Variants in ROBO1 observed in about 807,000 individuals in gnomAD.
ROBO1 encodes the protein roundabout guidance receptor 1, also known as roundabout homolog 1.
Under a neutral mutation model 195.9 loss-of-function variants are expected in ROBO1, and 149 were observed. That is an observed-to-expected ratio of 0.76 (90% CI 0.67 to 0.87). The LOEUF is 0.87. Among genes scored for constraint, ROBO1 ranks in the 40% least tolerant of loss-of-function variants. The probability of loss-of-function intolerance (pLI) is 0.00; values close to 1 mark genes in which losing one functional copy is unlikely to be tolerated. For missense variants in ROBO1, 1,933 were observed against 2,068.3 expected (o/e 0.93, Z 1.27); for synonymous variants, 816 against 733.2 (o/e 1.11, Z -1.82).
intron 2 of ROBO1, among the ~76,000 whole-genome samples, chr3:79,252,304 G>C (rs2082746048): frequency 6.6e-6 from 1 of 152,106 alleles, no homozygotes; most frequent in Non-Finnish European, 1.5e-5. Context: ...ATTAAGTTAA[G>C]ATGAGATCAC....
intron 4 of ROBO1, among the ~76,000 whole-genome samples, chr3:78,937,420 T>C (rs891198629): frequency 3.3e-5 from 5 of 151,974 alleles, no homozygotes; most frequent in African/African-American, 1.2e-4. Flanking sequence ...AATATATACA[T>C]GGTTATTTAT....
chr3:79,285,898 C>G (rs2031856484), intron 2 of ROBO1, among the ~76,000 whole-genome samples: 2 of 151,004 alleles, frequency 1.3e-5, no homozygotes, highest in South Asian at 4.2e-4. Flanking sequence ...AAATAAGAAG[C>G]AATGAAAAAA....
chr3:78,646,760 T>C (rs973791484), intron 20 of ROBO1, among the ~76,000 whole-genome samples: 1 of 151,970 alleles, frequency 6.6e-6, no homozygotes, highest in African/African-American at 2.4e-5. Flanking sequence ...CTTCTGCAAA[T>C]TATTTCTCAT....
At position 79,009,810 on chromosome 3, in the gene ROBO1, T is replaced by G. The variant is rs139173631; in HGVS notation, c.173-70883A>C. Among the ~76,000 whole-genome samples, 401 of 152,334 alleles carry G rather than the reference T, an allele frequency of 2.6e-3. 4 individuals are homozygous for G. The highest frequency in any genetic ancestry group is 9.0e-3 in the African/African-American group (375 of 41,578). Reference sequence around the variant, plus strand: ...ATTATCAATAACATCTTATCACCATTTATTATCAAAATCAAAAAATGAAAA... The same window carrying G: ...ATTATCAATAACATCTTATCACCATGTATTATCAAAATCAAAAAATGAAAA... On this transcript the variant is annotated intron_variant, in intron 3 of 30. Transcript: ENST00000464233.
chr3:78,859,295 T>C (rs2034643283), intron 4 of ROBO1, among the ~76,000 whole-genome samples: 1 of 152,202 alleles, frequency 6.6e-6, no homozygotes, highest in African/African-American at 2.4e-5. Context: ...GTATCCCTTA[T>C]TCATGGAACT....
At chr3:78,922,888 G>A (rs149819826) in intron 4 of ROBO1, among the ~76,000 whole-genome samples, 3,106 of 152,116 alleles carry the variant, frequency 0.02, 77 homozygotes, top group Middle Eastern at 0.13. Flanking sequence ...GTGAGCTATC[G>A]CATCTGGACT....
At chr3:78,675,047 G>A (rs938312084) in intron 10 of ROBO1, among the ~76,000 whole-genome samples, 5 of 151,830 alleles carry the variant, frequency 3.3e-5, no homozygotes, top group Admixed American at 2.0e-4. Context: ...TGTATAATAC[G>A]TATCATATAC....
intron 2 of ROBO1, among the ~76,000 whole-genome samples, chr3:79,258,298 C>T (rs996128367): frequency 2.6e-5 from 4 of 152,080 alleles, no homozygotes; most frequent in Non-Finnish European, 5.9e-5. Context: ...AAATAGTGTA[C>T]ACATGTGAAA....
Position 79,258,436 on chromosome 3 carries a change from T to C in ROBO1, c.89-132897A>G, listed in dbSNP as rs1175615016. 2.0e-5 allele frequency among the ~76,000 whole-genome samples: 3 copies of C among 152,324 alleles called. No homozygotes were observed. The East Asian group carries it at 5.8e-4, about 29-fold the overall frequency. ...CCTCTCCTTTTAAAAACTTAAAACT[T>C]TATTTTGTGTTCTGCTTTTTCCTTC... On this transcript the variant is annotated intron_variant, in intron 2 of 30. Coordinates refer to ENST00000464233, the MANE Select transcript of ROBO1 (RefSeq NM_002941.4).
chr3:79,335,726 G>A (rs778257853), intron 2 of ROBO1, among the ~76,000 whole-genome samples: 16 of 152,146 alleles, frequency 1.1e-4, no homozygotes, highest in Admixed American at 2.0e-4. Context: ...GTGGGGTGCT[G>A]CTATAAAGAT....
intron 4 of ROBO1, among the ~76,000 whole-genome samples, chr3:78,933,620 C>T (rs1358857137): frequency 1.3e-5 from 2 of 151,896 alleles, no homozygotes; most frequent in African/African-American, 4.8e-5. Context: ...GATAAAATAA[C>T]TACTAATAAA....
chr3:79,059,014 T>C (rs867545020), intron 3 of ROBO1, among the ~76,000 whole-genome samples: 7 of 152,068 alleles, frequency 4.6e-5, no homozygotes, highest in Non-Finnish European at 1.0e-4. Flanking sequence ...CAACAAGGCA[T>C]TGATCAAAAA....
intron 3 of ROBO1, among the ~76,000 whole-genome samples, chr3:79,051,379 G>C (rs112079198): frequency 0.027 from 4,118 of 152,230 alleles, 198 homozygotes; most frequent in African/African-American, 0.094. Flanking sequence ...TCTCTGAATA[G>C]ACAAATAACA....
intron 1 of ROBO1, among the ~76,000 whole-genome samples, chr3:79,696,157 A>G (rs1256458910): frequency 1.3e-5 from 2 of 151,430 alleles, no homozygotes; most frequent in African/African-American, 4.8e-5. Context: ...TTTCAATTGT[A>G]TATTTTTGTA....
At chr3:78,938,473 C>T (rs1262808363) in intron 4 of ROBO1, 128 bp downstream of exon 4, 4 of 716,200 alleles carry the variant, frequency 5.6e-6, no homozygotes, top group Middle Eastern at 3.8e-4. Context: ...ATTGTATTCA[C>T]ATACAAAGCT....
At chr3:79,298,158 G>C (rs2032697005) in intron 2 of ROBO1, among the ~76,000 whole-genome samples, 1 of 152,080 alleles carries the variant, frequency 6.6e-6, no homozygotes, top group South Asian at 2.1e-4. Context: ...TGGGTAGAGA[G>C]AGGCAGGTTC....
intron 2 of ROBO1, among the ~76,000 whole-genome samples, chr3:79,497,105 G>A (rs1174611925): frequency 6.6e-5 from 10 of 152,160 alleles, no homozygotes; most frequent in Non-Finnish European, 2.9e-5. Context: ...ACAGGCTGTA[G>A]TTAGGGTGAT....
intron 10 of ROBO1, among the ~76,000 whole-genome samples, chr3:78,677,073 C>G (rs1056820699): frequency 3.3e-5 from 5 of 152,060 alleles, no homozygotes; most frequent in African/African-American, 1.2e-4. Context: ...TCCAGCCAAA[C>G]TAAGCTTCAT....
intron 2 of ROBO1, among the ~76,000 whole-genome samples, chr3:79,484,408 G>A (rs1939037177): frequency 6.6e-6 from 1 of 152,002 alleles, no homozygotes; most frequent in Admixed American, 6.6e-5. Flanking sequence ...ATTTATTCTT[G>A]TAGATTTAAA....
Sources: allele counts gnomAD v4.1 joint callset (sites outside exome capture counted in the v4.1 genomes callset), GRCh38; gene constraint gnomAD v4.1.1; transcripts MANE v1.5; gene names NCBI Gene and HGNC (gene_info 2026-07-23, HGNC 2026-07-21).